The following RALGAPB variants were observed in gnomAD, a reference collection of about 807,000 sequenced individuals.
RALGAPB encodes the protein ral GTPase-activating protein subunit beta.
Under a neutral mutation model 161.1 loss-of-function variants are expected in RALGAPB, and 25 were observed. That is an observed-to-expected ratio of 0.16 (90% confidence interval 0.11 to 0.22). The LOEUF is 0.22. Among genes scored for constraint, RALGAPB ranks in the 10% least tolerant of loss-of-function variants. The pLI is 1.00. For missense variants in RALGAPB, 1,391 were observed against 1,815.2 expected (o/e 0.77, Z 4.25); for synonymous variants, 629 against 626.1 (o/e 1.00, Z -0.07).
chr20:38,571,795 G>C (rs1410983964), intron 28 of RALGAPB, among the ~76,000 whole-genome samples: 1 of 152,150 alleles, frequency 6.6e-6, no homozygotes, highest in Non-Finnish European at 1.5e-5. Context: ...TTCCACAGTG[G>C]CTGTACCAGT....
At chr20:38,563,618 C>A (rs964477339) in intron 24 of RALGAPB, among the ~76,000 whole-genome samples, 3 of 152,186 alleles carry the variant, frequency 2.0e-5, no homozygotes, top group Non-Finnish European at 4.4e-5. Context: ...GTTAGTGTTA[C>A]CTCTCTAAAG....
chr20:38,511,230 A>G (rs2085938865), intron 6 of RALGAPB, among the ~76,000 whole-genome samples: 1 of 152,230 alleles, frequency 6.6e-6, no homozygotes, highest in Non-Finnish European at 1.5e-5. Context: ...AAAGTGGTGA[A>G]CAGCTAGCCA....
rs777060396 is a variant in RALGAPB, at chr20:38,517,900, G to T, written c.1317G>T (p.Lys439Asn). The T allele has an allele frequency of 1.9e-6, 3 of 1,613,822 alleles. No individual in the cohort carries two copies. The highest frequency in any genetic ancestry group is 2.2e-5 in the East Asian group (1 of 44,894). Residue 439 changes from lysine (K) to asparagine (N), a missense_variant, in exon 9 of 30, where the codon AAG (lysine) becomes AAT (asparagine). By Grantham distance (94) the Lys-to-Asn change is moderately conservative. Coordinates refer to ENST00000262879, the MANE Select transcript of RALGAPB (RefSeq NM_020336.4). ...CACTGCCTGCCCCTCGGAGACCAAA[G>T]GTTAACAGCATCTTGAATCTCTTTG... Reference protein sequence around the residue: ...PRPLPAPRRPKVNSILNLFGS... With the variant: ...PRPLPAPRRPNVNSILNLFGS...
At chr20:38,493,280 A>G (rs1226423052) in intron 3 of RALGAPB, 148 bp downstream of exon 3, 2 of 667,852 alleles carry the variant, frequency 3.0e-6, no homozygotes, top group Non-Finnish European at 5.0e-6. Context: ...TGTGAATGTT[A>G]GGAGAGATGG....
In RALGAPB at chr20:38,558,409, G is replaced by C; in HGVS notation, c.3487G>C (p.Val1163Leu). 6.2e-7 allele frequency: 1 copy of C among 1,602,744 alleles called. No homozygotes were observed. The highest frequency in any genetic ancestry group is 8.5e-7 in the Non-Finnish European group (1 of 1,174,020). Residue 1163 changes from valine (V) to leucine (L), a missense_variant, in exon 23 of 30, where the codon GTT becomes CTT. Val to Leu is a conservative substitution (Grantham distance 32). Around this residue, in one of 3 missense-constraint regions of RALGAPB, gnomAD observed 436 missense variants for 527.0 expected, o/e 0.83. Coordinates refer to ENST00000262879, the MANE Select transcript of RALGAPB (RefSeq NM_020336.4). ...DLLPCRPFDT[V>L]FIFYMKPGQK... ...CTTGCCATGTCGTCCTTTTGACACA[G>C]TTTTTATTTTCTATATGAAGCCAGG...
chr20:38,481,718 A>G (rs184887317), intron 1 of RALGAPB, among the ~76,000 whole-genome samples: 1 of 152,322 alleles, frequency 6.6e-6, no homozygotes, highest in East Asian at 1.9e-4. Flanking sequence ...AACTCATTGA[A>G]AACAGGAACC....
chr20:38,473,890 A>C (rs2122792448), intron 1 of RALGAPB, among the ~76,000 whole-genome samples: 1 of 152,304 alleles, frequency 6.6e-6, no homozygotes, highest in Non-Finnish European at 1.5e-5. Context: ...AAGTTTGGGA[A>C]CCGCATGTAA....
At chr20:38,507,718 G>A (rs899428952) in intron 5 of RALGAPB, among the ~76,000 whole-genome samples, 1 of 151,432 alleles carries the variant, frequency 6.6e-6, no homozygotes, top group Non-Finnish European at 1.5e-5. Flanking sequence ...TTTTTTTTGA[G>A]ATATGGTCTT....
intron 2 of RALGAPB, among the ~76,000 whole-genome samples, chr20:38,490,893 C>T (rs923215034): frequency 2.0e-5 from 3 of 152,212 alleles, no homozygotes; most frequent in Non-Finnish European, 2.9e-5. Flanking sequence ...GATCCACAGT[C>T]CTTGGCCTCC....
chr20:38,494,274 T>C (rs1477981514), intron 3 of RALGAPB, among the ~76,000 whole-genome samples: 1 of 152,250 alleles, frequency 6.6e-6, no homozygotes, highest in East Asian at 1.9e-4. Flanking sequence ...TAATACTTAG[T>C]ACTTATCTTA....
intron 15 of RALGAPB, among the ~76,000 whole-genome samples, chr20:38,533,269 G>A (rs1246601160): frequency 2.0e-5 from 3 of 152,110 alleles, no homozygotes; most frequent in African/African-American, 7.2e-5. Context: ...GCCCAGAGGA[G>A]AGCATGTCTT....
At chr20:38,489,737 C>T (rs1267445556) in intron 2 of RALGAPB, among the ~76,000 whole-genome samples, 1 of 152,104 alleles carries the variant, frequency 6.6e-6, no homozygotes, top group Admixed American at 6.5e-5. Context: ...ACTTGTAGCT[C>T]TAAGGGTAGG....
intron 23 of RALGAPB, among the ~76,000 whole-genome samples, chr20:38,561,923 T>C (rs757424732): frequency 6.6e-6 from 1 of 152,246 alleles, no homozygotes; most frequent in Non-Finnish European, 1.5e-5. Flanking sequence ...TGTTTTAGAA[T>C]GAAGGACTCT....
In RALGAPB at chr20:38,472,918, TC is replaced by T. The variant is rs1330292900; in HGVS notation, c.-181del. ...GTCGTCCCTTGGCGCCCTGGGAGAGTCGCTGACGGGTGGACTGACGGACCGC... is the reference window on the plus strand; with the variant it reads ...GTCGTCCCTTGGCGCCCTGGGAGAGTGCTGACGGGTGGACTGACGGACCGC... On this transcript the variant is annotated 5_prime_UTR_variant, in exon 1 of 30. Transcript: ENST00000262879. 1 of 397,166 alleles carries T rather than the reference TC, an allele frequency of 2.5e-6. No individual in the cohort carries two copies. Among genetic ancestry groups the T allele is most frequent in the African/African-American group, 2.1e-5 (1 of 48,064 alleles). 24.6% of individuals were successfully genotyped at this position (397,166 alleles called of 1,614,324 possible).
At chr20:38,558,225 G>A (rs550458922) in intron 22 of RALGAPB, 70 bp from the exon 23 acceptor site, 40 of 1,255,374 alleles carry the variant, frequency 3.2e-5, no homozygotes, top group Non-Finnish European at 4.2e-5. Context: ...CCATGAGCAA[G>A]TATTGTTTTT....
chr20:38,507,023 A>G (rs931614340), intron 5 of RALGAPB, among the ~76,000 whole-genome samples: 2 of 152,188 alleles, frequency 1.3e-5, no homozygotes, highest in Non-Finnish European at 2.9e-5. Context: ...TGCTTTAAAA[A>G]AATTATGAAT....
chr20:38,529,352 T>C (rs1428604732), intron 13 of RALGAPB, among the ~76,000 whole-genome samples: 1 of 151,986 alleles, frequency 6.6e-6, no homozygotes, highest in East Asian at 1.9e-4. Flanking sequence ...ACCCTGTATC[T>C]ACTAAAAATA....
intron 1 of RALGAPB, among the ~76,000 whole-genome samples, chr20:38,487,002 C>A (rs2085134429): frequency 6.6e-6 from 1 of 152,142 alleles, no homozygotes; most frequent in African/African-American, 2.4e-5. Context: ...GAGCTAATGG[C>A]AGCTTTATAT....
At position 38,497,370 on chromosome 20, in the gene RALGAPB, G is replaced by T; in HGVS notation, c.407G>T (p.Ser136Ile). 6.2e-7 allele frequency: 1 copy of T among 1,613,986 alleles called. No homozygotes were observed. Among genetic ancestry groups the T allele is most frequent in the Non-Finnish European group, 8.5e-7 (1 of 1,179,980 alleles). ...LFVPRQEQGS[S>I]QIRLCLQVLR... Reference sequence around the variant, plus strand: ...TTCTTCAGACAGGAACAGGGTTCCAGTCAGATTCGACTATGCTTACAGGTC... The same window carrying T: ...TTCTTCAGACAGGAACAGGGTTCCATTCAGATTCGACTATGCTTACAGGTC... Residue 136 changes from serine to isoleucine, a missense_variant, in exon 4 of 30, where the codon AGT (serine) becomes ATT (isoleucine). By Grantham distance (142) the Ser-to-Ile change is moderately radical. Coordinates refer to ENST00000262879, the MANE Select transcript of RALGAPB (RefSeq NM_020336.4).
Sources: allele counts gnomAD v4.1 joint callset (sites outside exome capture counted in the v4.1 genomes callset), GRCh38; gene constraint gnomAD v4.1.1; regional missense constraint gnomAD v4.1.1; transcripts MANE v1.5; gene names NCBI Gene and HGNC (gene_info 2026-07-23, HGNC 2026-07-21).